ZNF677: variants seen among roughly 807,000 people sequenced by gnomAD.
ZNF677 encodes the protein zinc finger protein 677.
In ZNF677, 5 loss-of-function variants were observed where a neutral mutation model predicts 8.1. The observed-to-expected ratio is 0.62, with a 90% CI of 0.32 to 1.29. ZNF677 has a LOEUF of 1.29. Ranked by LOEUF, ZNF677 falls within the 50% of genes most tolerant of loss-of-function variation. The pLI is 0.05. For synonymous variants in ZNF677, 221 were observed against 225.6 expected, an observed-to-expected ratio of 0.98 and a Z score of 0.18; for missense variants, 685 against 685.9, an observed-to-expected ratio of 1.00 and a Z score of 0.01.
intron 3 of ZNF677, among the ~76,000 whole-genome samples, chr19:53,248,086 T>C (rs193270030): frequency 6.6e-6 from 1 of 152,338 alleles, no homozygotes; most frequent in Non-Finnish European, 1.5e-5. Flanking sequence ...TAAGTTTGTG[T>C]GTGTATATCA....
intron 3 of ZNF677, among the ~76,000 whole-genome samples, chr19:53,246,790 C>A (rs1043983262): frequency 6.6e-6 from 1 of 152,124 alleles, no homozygotes; most frequent in Non-Finnish European, 1.5e-5. Flanking sequence ...TCTTAGAGAT[C>A]TCCTGAATAA....
chr19:53,249,933 C>A (rs1353533055), intron 3 of ZNF677, among the ~76,000 whole-genome samples: 1 of 152,046 alleles, frequency 6.6e-6, no homozygotes, highest in African/African-American at 2.4e-5. Context: ...AGTGCAACGG[C>A]ACAATCTTAG....
chr19:53,237,004 CATT>C lies in ZNF677; in HGVS notation c.1720_1722del (p.Asn574del). 1 of 1,582,948 alleles carries C rather than the reference CATT, an allele frequency of 6.3e-7. No individual in the cohort carries two copies. Among genetic ancestry groups the C allele is most frequent in the East Asian group, 2.2e-5 (1 of 44,688 alleles). ...CAGCTTGAATACTTAATTTTTGTCT[CATT>C]ATATTTGATATGTTTTTCTCTATTA... On this transcript the variant is annotated inframe_deletion, in exon 5 of 5. Coordinates refer to ENST00000598513, the MANE Select transcript of ZNF677 (RefSeq NM_182609.4).
At chr19:53,246,317 C>CTAAAAAAAAAAA (rs1599921763) in intron 3 of ZNF677, among the ~76,000 whole-genome samples, 8 of 122,148 alleles carry the variant, frequency 6.5e-5, no homozygotes, top group Admixed American at 1.7e-4. Flanking sequence ...GACTCCGTCC[C>CTAAAAAAAAAAA]AAAAAAAAAG....
intron 3 of ZNF677, among the ~76,000 whole-genome samples, chr19:53,244,526 T>C (rs749364025): frequency 5.3e-5 from 8 of 152,170 alleles, no homozygotes; most frequent in Non-Finnish European, 7.4e-5. Flanking sequence ...GACTTTAACA[T>C]GAAATAAGCT....
chr19:53,241,939 T>C (rs2091056113), intron 4 of ZNF677: 2 of 397,304 alleles, frequency 5.0e-6, no homozygotes, highest in Non-Finnish European at 4.4e-6. Context: ...TTTTTCTTTT[T>C]TTTTTTTTCG....
At chr19:53,243,548 G>A in intron 4 of ZNF677, 196 bp downstream of exon 4, 1 of 686,306 alleles carries the variant, frequency 1.5e-6, no homozygotes, top group South Asian at 2.0e-5. Flanking sequence ...ACCACCACTC[G>A]TCAAACCTGA....
At chr19:53,243,714 A>C (rs751517586) in intron 4 of ZNF677, 30 bp downstream of exon 4, 8 of 1,613,568 alleles carry the variant, frequency 5.0e-6, no homozygotes, top group South Asian at 2.2e-5. Context: ...ACTCACAAGG[A>C]AAAATGTAAA....
Position 53,251,674 on chromosome 19 carries a change from AG to A in ZNF677, c.-55-70del. The stretch of plus-strand genomic sequence containing the variant: ...CCCCCTGCCTCTACCACACACACAC[AG>A]GAAGAGGCTTGATATAGAAAAAAGA... On this transcript the variant is annotated intron_variant, in intron 2 of 4. Transcript: ENST00000598513. 10 of 1,090,246 alleles carry A rather than the reference AG, an allele frequency of 9.2e-6. No homozygotes were observed. In the South Asian group the frequency reaches 1.5e-4, roughly 16 times the overall value. 67.5% of individuals were successfully genotyped at this position (1,090,246 alleles called of 1,614,324 possible).
In ZNF677 at chr19:53,243,826, C is replaced by T; in HGVS notation, c.87G>A (p.Gln29=). 6.2e-7 allele frequency: 1 copy of T among 1,614,148 alleles called. No homozygotes were observed. ...ACATCACGTCCCTGTACAAGGCCCT[C>T]TGGGCAGGGTCCAGGCACTCCCACT... ...QEEWECLDPA[Q]RALYRDVMLE... Residue 29 remains glutamine (Q), a synonymous_variant, in exon 4 of 5, where the codon CAG becomes CAA. Transcript: ENST00000598513.
chr19:53,248,339 T>C (rs564977730), intron 3 of ZNF677, among the ~76,000 whole-genome samples: 4 of 152,334 alleles, frequency 2.6e-5, no homozygotes, highest in Middle Eastern at 3.4e-3. Context: ...TTAAATCATA[T>C]AGAAAAAAAG....
intron 1 of ZNF677, among the ~76,000 whole-genome samples, chr19:53,253,706 T>A (rs2091270288): frequency 6.6e-6 from 1 of 151,662 alleles, no homozygotes; most frequent in Non-Finnish European, 1.5e-5. Context: ...AATAAATAAA[T>A]AAAAGAAAGC....
intron 4 of ZNF677, chr19:53,242,697 C>A (rs1439467828): frequency 3.1e-6 from 1 of 319,390 alleles, no homozygotes. Context: ...AAAGTTCTTG[C>A]AGGTATAAGA....
At chr19:53,246,117 G>C (rs2091134202) in intron 3 of ZNF677, among the ~76,000 whole-genome samples, 1 of 152,066 alleles carries the variant, frequency 6.6e-6, no homozygotes, top group Non-Finnish European at 1.5e-5. Context: ...AGGAGATTGA[G>C]ACCATCCTGG....
rs1402764273 is a variant in ZNF677 at position 53,235,722 on chromosome 19, CTCT to C, written c.*1247_*1249del. ...GAAAATCTCTCAATGTCCCACCCTACTCTTCTTGTTTCATGGTCATCTTGTACT... is the reference window on the plus strand; with the variant it reads ...GAAAATCTCTCAATGTCCCACCCTACTCTTGTTTCATGGTCATCTTGTACT... On this transcript the variant is annotated 3_prime_UTR_variant, in exon 5 of 5. Coordinates refer to ENST00000598513, the MANE Select transcript of ZNF677 (RefSeq NM_182609.4). 1.3e-5 allele frequency: 2 copies of C among 152,322 alleles called. No homozygotes were observed. Among genetic ancestry groups the C allele is most frequent in the East Asian group, 3.9e-4 (2 of 5,180 alleles). The allele number at this position is 152,322 out of a possible 1,614,324, so 9.4% of individuals were successfully genotyped here.
intron 4 of ZNF677, 56 bp downstream of exon 4, chr19:53,243,688 C>T (rs371783315): frequency 1.2e-6 from 2 of 1,610,860 alleles, no homozygotes; most frequent in African/African-American, 1.3e-5. Flanking sequence ...ACAAGCACAT[C>T]AGGGCCTCCC....
intron 1 of ZNF677, among the ~76,000 whole-genome samples, 170 bp from the exon 2 acceptor site, chr19:53,253,326 A>G (rs2091263855): frequency 6.6e-6 from 1 of 152,230 alleles, no homozygotes; most frequent in Non-Finnish European, 1.5e-5. Flanking sequence ...AAGATTATCA[A>G]CACCTTAGAG....
chr19:53,246,832 A>G (rs55928468), intron 3 of ZNF677, among the ~76,000 whole-genome samples: 9,240 of 152,268 alleles, frequency 0.061, 367 homozygotes, highest in South Asian at 0.1. Context: ...TGTATTGTAT[A>G]CTTAAAAATT....
intron 4 of ZNF677, chr19:53,241,295 G>A (rs1333080639): frequency 6.6e-6 from 1 of 152,118 alleles, no homozygotes; most frequent in Non-Finnish European, 1.5e-5. Context: ...ACATGTAACT[G>A]CTGATTAAAT....
Sources: allele counts gnomAD v4.1 joint callset (sites outside exome capture counted in the v4.1 genomes callset), GRCh38; gene constraint gnomAD v4.1.1; transcripts MANE v1.5; gene names NCBI Gene and HGNC (gene_info 2026-07-23, HGNC 2026-07-21).